Variants in SYTL5 observed in about 807,000 individuals in gnomAD.
SYTL5 encodes the protein synaptotagmin-like protein 5.
SYTL5 carries 34 observed loss-of-function variants against 55.9 expected under a neutral mutation model. The ratio of observed to expected loss-of-function variants is 0.61; its 90% confidence interval spans 0.46 to 0.81. The LOEUF (loss-of-function observed/expected upper bound fraction) is 0.81. Among genes scored for constraint, SYTL5 ranks in the 30% least tolerant of loss-of-function variants. The pLI is 0.00. For missense variants in SYTL5, 637 were observed against 546.7 expected (o/e 1.17, Z -1.65); for synonymous variants, 221 against 188.7 (o/e 1.17, Z -1.40).
At chrX:37,968,652 G>T in the SYTL5 span, among the ~76,000 whole-genome samples, 1 of 111,225 alleles carries the variant, frequency 9.0e-6, no homozygotes, top group Non-Finnish European at 1.9e-5. Flanking sequence ...GTTTCATCTG[G>T]GGTACTTCAC....
chrX:38,085,600 C>T (rs1425184933), intron 6 of SYTL5, among the ~76,000 whole-genome samples: 2 of 111,832 alleles, frequency 1.8e-5, no homozygotes, highest in African/African-American at 6.5e-5. Context: ...AGCTCATAAA[C>T]CTCAGAGAGA....
chrX:38,047,078 G>C (rs755086446), intron 2 of SYTL5, among the ~76,000 whole-genome samples: 50 of 112,250 alleles, frequency 4.5e-4, no homozygotes, highest in Non-Finnish European at 5.8e-4. Flanking sequence ...CTGATGTTGA[G>C]TGTCTGTGGC....
At chrX:38,101,978 T>C (rs181988044) in intron 9 of SYTL5, among the ~76,000 whole-genome samples, 14,264 of 109,547 alleles carry the variant, frequency 0.13, 792 homozygotes, top group Middle Eastern at 0.15. Flanking sequence ...TGTGTGTGTG[T>C]GTTTGCACAC....
intron 1 of SYTL5, among the ~76,000 whole-genome samples, chrX:38,015,007 G>A (rs1028607352): frequency 1.6e-4 from 18 of 111,834 alleles, no homozygotes; most frequent in African/African-American, 5.5e-4. Context: ...TTTCCCTTCG[G>A]CTTAGTGATT....
chrX:38,034,154 C>G (rs184275826), intron 2 of SYTL5, 146 bp downstream of exon 2: 7 of 300,419 alleles, frequency 2.3e-5, no homozygotes, highest in Non-Finnish European at 4.1e-5. Flanking sequence ...GCCCAAATAT[C>G]GGAAAACTTT....
chrX:37,958,153 G>A, the SYTL5 span, among the ~76,000 whole-genome samples: 1 of 108,957 alleles, frequency 9.2e-6, no homozygotes, highest in Non-Finnish European at 1.9e-5. Flanking sequence ...AGGTTACAGT[G>A]AGCTGAGATC....
At chrX:38,122,449 C>T (rs1232668740) in intron 15 of SYTL5, among the ~76,000 whole-genome samples, 1 of 112,365 alleles carries the variant, frequency 8.9e-6, no homozygotes, top group Non-Finnish European at 1.9e-5. Context: ...ATCACTCTTA[C>T]TCTCAAGACA....
Position 38,120,364 on chromosome X carries a change from T to A in SYTL5, c.1603T>A (p.Phe535Ile). 1 of 1,208,082 alleles carries A rather than the reference T, an allele frequency of 8.3e-7. No individual in the cohort carries two copies. The change falls in exon 14 of 17, where the codon TTT (phenylalanine) becomes ATT (isoleucine). Residue 535 changes from phenylalanine to isoleucine, a missense_variant. Phe to Ile is a conservative substitution (Grantham distance 21). Coordinates refer to ENST00000297875, the MANE Select transcript of SYTL5 (RefSeq NM_138780.3). ...CTTGTTTCTCCTTGGCCAGGTGGAG[T>A]TTGCTCCTGATATTGGCCTTCAATA... is the stretch of plus-strand genomic sequence containing the variant. Reference protein sequence around the residue: ...EWFVLQPKVEFAPDIGLQYKG... With the variant: ...EWFVLQPKVEIAPDIGLQYKG...
chrX:38,096,207 C>T lies in SYTL5; in HGVS notation c.1035C>T (p.Ser345=). The T allele has an allele frequency of 8.4e-7, 1 of 1,186,674 alleles. No homozygotes were observed. The highest frequency in any genetic ancestry group is 1.1e-6 in the Non-Finnish European group (1 of 875,744). ...EDSEDTVSIR[S]KSVPGALDKD... ...CAGAGGATACTGTAAGCATAAGAAG[C>T]AAGTCTGTCCCTGGGGCTTTAGACA... Residue 345 remains serine (S), a synonymous_variant, in exon 9 of 17, where the codon AGC becomes AGT. Coordinates refer to ENST00000297875, the MANE Select transcript of SYTL5 (RefSeq NM_138780.3).
chrX:38,052,070 G>A (rs1391749661), intron 2 of SYTL5, among the ~76,000 whole-genome samples: 1 of 112,102 alleles, frequency 8.9e-6, no homozygotes, highest in Non-Finnish European at 1.9e-5. Flanking sequence ...TTCTTCATGA[G>A]AGTGAATGGT....
the SYTL5 span, among the ~76,000 whole-genome samples, chrX:37,914,656 G>A: frequency 6.3e-5 from 7 of 111,678 alleles, no homozygotes; most frequent in African/African-American, 2.3e-4. Context: ...CTTGAATGCG[G>A]TGATGGGTTC....
the SYTL5 span, chrX:37,946,513 A>T: frequency 4.5e-6 from 1 of 221,249 alleles, no homozygotes; most frequent in Admixed American, 5.7e-5. Flanking sequence ...CTTTTGTGTT[A>T]CCATGTAATT....
intron 15 of SYTL5, among the ~76,000 whole-genome samples, chrX:38,124,291 A>G (rs911684515): frequency 8.9e-6 from 1 of 112,192 alleles, no homozygotes; most frequent in African/African-American, 3.2e-5. Flanking sequence ...CTGTGCTCAA[A>G]TAAAAACACA....
At chrX:37,975,585 T>C in the SYTL5 span, among the ~76,000 whole-genome samples, 1 of 111,735 alleles carries the variant, frequency 8.9e-6, no homozygotes, top group Non-Finnish European at 1.9e-5. Context: ...AAAGTTGGTG[T>C]CCATGGATTT....
At position 38,126,732 on chromosome X, in the gene SYTL5, G is replaced by C. The variant is rs766832734; in HGVS notation, c.*2G>C. The C allele has an allele frequency of 1.2e-5, 15 of 1,203,676 alleles. No individual in the cohort carries two copies. The East Asian group carries it at 4.5e-4, about 36-fold the overall frequency. Reference sequence around the variant, plus strand: ...AGCATGGGAAAATGTAGGCTCTAAAGGGACCAGTTCTCCAAGAATGAGGCC... The same window carrying C: ...AGCATGGGAAAATGTAGGCTCTAAACGGACCAGTTCTCCAAGAATGAGGCC... On this transcript the variant is annotated 3_prime_UTR_variant, in exon 17 of 17. Coordinates refer to ENST00000297875, the MANE Select transcript of SYTL5 (RefSeq NM_138780.3).
the SYTL5 span, among the ~76,000 whole-genome samples, chrX:37,955,478 C>T: frequency 8.9e-6 from 1 of 111,891 alleles, no homozygotes; most frequent in Non-Finnish European, 1.9e-5. Context: ...AGGTAAAAGA[C>T]TGGAATTATC....
At chrX:37,968,533 C>T in the SYTL5 span, among the ~76,000 whole-genome samples, 8 of 111,466 alleles carry the variant, frequency 7.2e-5, no homozygotes, top group Non-Finnish European at 1.3e-4. Context: ...AAAGGGCCCC[C>T]TTAACCCCCA....
intron 2 of SYTL5, among the ~76,000 whole-genome samples, chrX:38,046,298 C>T (rs1344192687): frequency 9.0e-6 from 1 of 111,699 alleles, no homozygotes; most frequent in Non-Finnish European, 1.9e-5. Context: ...ATACCCAAGA[C>T]TGGGCAATTT....
intron 3 of SYTL5, among the ~76,000 whole-genome samples, chrX:38,057,335 G>T (rs368260532): frequency 9.0e-6 from 1 of 111,326 alleles, no homozygotes; most frequent in Non-Finnish European, 1.9e-5. Context: ...CGGTTCCATC[G>T]GTCTTTGAAT....
Sources: allele counts gnomAD v4.1 joint callset (sites outside exome capture counted in the v4.1 genomes callset), GRCh38; gene constraint gnomAD v4.1.1; transcripts MANE v1.5; gene names NCBI Gene and HGNC (gene_info 2026-07-23, HGNC 2026-07-21).